Variants in AHCYL2 observed in about 807,000 individuals in gnomAD.
AHCYL2 encodes adenosylhomocysteinase like 2.
In AHCYL2, 28 loss-of-function variants were observed where a neutral mutation model predicts 81.4. The observed-to-expected ratio is 0.34, with a 90% confidence interval of 0.25 to 0.47. The LOEUF (loss-of-function observed/expected upper bound fraction) is 0.47. Among genes scored for constraint, AHCYL2 ranks in the 20% least tolerant of loss-of-function variants. AHCYL2 has a pLI of 1.00. For synonymous variants in AHCYL2, 272 were observed against 290.2 expected (o/e 0.94, Z 0.64); for missense variants, 551 against 785.1 (o/e 0.70, Z 3.56).
In AHCYL2 at chr7:129,419,120, T is replaced by A. The variant is rs1796994419; in HGVS notation, c.1462-3720T>A. Among the ~76,000 whole-genome samples, 1 of 152,228 alleles carries A rather than the reference T, an allele frequency of 6.6e-6. No individual in the cohort carries two copies. The highest frequency in any genetic ancestry group is 2.4e-5 in the African/African-American group (1 of 41,464). ...TGCATATTTAAGAAGGAGTAGCTCA[T>A]CAAAAGAGTTGGTCATTTAGAAAGC... On this transcript the variant is annotated intron_variant, in intron 12 of 16. Transcript: ENST00000325006. The surrounding 1 kb of genome is among the most constrained non-coding windows in gnomAD (Gnocchi z 4.7).
chr7:129,409,373 A>G (rs1438137537), intron 10 of AHCYL2, 103 bp from the exon 11 acceptor site: 2 of 791,892 alleles, frequency 2.5e-6, no homozygotes, highest in Non-Finnish European at 2.1e-6. Context: ...TAGTTCAGCT[A>G]TCTCAAGAAA....
intron 12 of AHCYL2, among the ~76,000 whole-genome samples, chr7:129,417,955 G>C (rs1274625894): frequency 6.6e-6 from 1 of 152,188 alleles, no homozygotes; most frequent in Admixed American, 6.5e-5. Flanking sequence ...TTCCATTTTA[G>C]TTAGGGTAGT....
chr7:129,267,209 A>G (rs1316978584), intron 1 of AHCYL2, among the ~76,000 whole-genome samples: 2 of 140,294 alleles, frequency 1.4e-5, no homozygotes, highest in East Asian at 2.0e-4. Flanking sequence ...ACACCCTCCA[A>G]GTTATTGAGT....
intron 1 of AHCYL2, among the ~76,000 whole-genome samples, chr7:129,378,066 C>T (rs987574924): frequency 8.8e-4 from 134 of 152,266 alleles, no homozygotes; most frequent in Admixed American, 4.2e-3. Context: ...GTAATCCCAG[C>T]ACTTTGGGAG....
chr7:129,269,125 AT>A (rs1233825921), intron 1 of AHCYL2, among the ~76,000 whole-genome samples: 1 of 106,690 alleles, frequency 9.4e-6, no homozygotes, highest in Admixed American at 1.4e-4. Flanking sequence ...TTCCTAAATG[AT>A]TCCTGTTTTT....
chr7:129,283,311 C>T (rs1200191457), intron 1 of AHCYL2: 1 of 454,458 alleles, frequency 2.2e-6, no homozygotes. Flanking sequence ...GAACTTACTT[C>T]ACTTGTTTTC....
intron 2 of AHCYL2, 91 bp from the exon 3 acceptor site, chr7:129,388,965 G>T: frequency 6.7e-7 from 1 of 1,502,932 alleles, no homozygotes; most frequent in Non-Finnish European, 9.0e-7. Context: ...ATGGTGCTAG[G>T]TGGCTAGAGA....
intron 1 of AHCYL2, among the ~76,000 whole-genome samples, chr7:129,259,466 G>A (rs1325346678): frequency 1.3e-5 from 2 of 152,146 alleles, no homozygotes; most frequent in African/African-American, 2.4e-5. Context: ...TGTGGATTTA[G>A]AGATTAGATG....
intron 1 of AHCYL2, among the ~76,000 whole-genome samples, chr7:129,339,239 C>G (rs919871538): frequency 1.4e-4 from 21 of 152,292 alleles, no homozygotes; most frequent in African/African-American, 4.3e-4. Flanking sequence ...AAAACAGACA[C>G]TCATACGTTC....
intron 1 of AHCYL2, among the ~76,000 whole-genome samples, chr7:129,284,611 A>G (rs1796562933): frequency 6.6e-6 from 1 of 151,752 alleles, no homozygotes; most frequent in Admixed American, 6.6e-5. Context: ...AAAAAAAAAA[A>G]AAAAAAAAGC....
At chr7:129,273,430 G>A (rs1796088281) in intron 1 of AHCYL2, among the ~76,000 whole-genome samples, 1 of 137,600 alleles carries the variant, frequency 7.3e-6, no homozygotes, top group Non-Finnish European at 1.5e-5. Context: ...CCTGGTTCAA[G>A]CAATTCTCCT....
chr7:129,288,855 A>G (rs182587123), intron 1 of AHCYL2, among the ~76,000 whole-genome samples: 1 of 151,830 alleles, frequency 6.6e-6, no homozygotes, highest in Admixed American at 6.6e-5. Flanking sequence ...CTGCAGCTTC[A>G]ACCTCCTGGG....
rs1362815484 is a variant in AHCYL2 at position 129,430,032 on chromosome 7, T to C, written c.*2987T>C. Reference sequence around the variant, plus strand: ...AACTCTATATATACATATATATATATATATCTATATATCTATATACGTAAT... The same window carrying C: ...AACTCTATATATACATATATATATACATATCTATATATCTATATACGTAAT... On this transcript the variant is annotated 3_prime_UTR_variant, in exon 17 of 17. Coordinates refer to ENST00000325006, the MANE Select transcript of AHCYL2 (RefSeq NM_015328.4). 6.6e-6 allele frequency: 1 copy of C among 150,638 alleles called. No homozygotes were observed. The highest frequency in any genetic ancestry group is 1.5e-5 in the Non-Finnish European group (1 of 67,650). 9.3% of individuals were successfully genotyped at this position (150,638 alleles called of 1,614,324 possible).
chr7:129,233,210 G>C (rs1248530359), intron 1 of AHCYL2, among the ~76,000 whole-genome samples: 2 of 152,020 alleles, frequency 1.3e-5, no homozygotes, highest in East Asian at 3.9e-4. Context: ...ACTGAGACAA[G>C]GTCTCCCTCT....
At chr7:129,374,777 A>G (rs1794592930) in intron 1 of AHCYL2, among the ~76,000 whole-genome samples, 1 of 149,980 alleles carries the variant, frequency 6.7e-6, no homozygotes, top group Non-Finnish European at 1.5e-5. Context: ...ATTGCACTCC[A>G]GCCTGGGCAA....
intron 1 of AHCYL2, among the ~76,000 whole-genome samples, chr7:129,311,580 A>G (rs879836638): frequency 2.0e-5 from 2 of 100,384 alleles, no homozygotes; most frequent in African/African-American, 7.5e-5. Flanking sequence ...CCCACCCCCC[A>G]CCGCGCCAGC....
intron 1 of AHCYL2, among the ~76,000 whole-genome samples, chr7:129,307,286 A>G (rs1797476624): frequency 6.6e-6 from 1 of 152,148 alleles, no homozygotes; most frequent in African/African-American, 2.4e-5. Flanking sequence ...TTGGTGCCCT[A>G]TTCCATTGCA....
intron 1 of AHCYL2, among the ~76,000 whole-genome samples, chr7:129,360,266 A>G (rs1053830127): frequency 2.6e-5 from 4 of 151,928 alleles, no homozygotes; most frequent in South Asian, 2.1e-4. Context: ...ACAGGCATGT[A>G]CCACCACGCT....
At chr7:129,373,394 T>G (rs1794510293) in intron 1 of AHCYL2, among the ~76,000 whole-genome samples, 1 of 151,302 alleles carries the variant, frequency 6.6e-6, no homozygotes, top group South Asian at 2.1e-4. Flanking sequence ...AAGTTTTTTT[T>G]TAGTAGAAAC....
Sources: gnomAD v4.1 joint callset for allele counts (sites outside exome capture counted in the v4.1 genomes callset) on GRCh38, gnomAD v4.1.1 for gene constraint, Gnocchi (gnomAD v3.1) non-coding constraint, MANE v1.5 for transcripts, NCBI Gene and HGNC (gene_info 2026-07-23, HGNC 2026-07-21) for gene names.